Variants in TJP1 observed in about 807,000 individuals in gnomAD.
TJP1 encodes tight junction protein 1, also known as tight junction protein ZO-1.
Under a neutral mutation model 194.2 loss-of-function variants are expected in TJP1, and 43 were observed. That is an observed-to-expected ratio of 0.22 (90% confidence interval 0.17 to 0.29). The LOEUF is 0.29. Among genes scored for constraint, TJP1 ranks in the 10% least tolerant of loss-of-function variants. TJP1 has a pLI of 1.00. For synonymous variants in TJP1, 801 were observed against 779.0 expected, an observed-to-expected ratio of 1.03 and a Z score of -0.47; for missense variants, 1,971 against 2,185.7, an observed-to-expected ratio of 0.90 and a Z score of 1.96.
At chr15:29,749,693 C>T (rs1289602780) in intron 8 of TJP1, among the ~76,000 whole-genome samples, 1 of 152,036 alleles carries the variant, frequency 6.6e-6, no homozygotes, top group Non-Finnish European at 1.5e-5. Context: ...TGGTGACATA[C>T]CACAGCAAAT....
At chr15:29,953,944 A>G (rs181403106) in intron 2 of TJP1, among the ~76,000 whole-genome samples, 1 of 152,306 alleles carries the variant, frequency 6.6e-6, no homozygotes, top group Non-Finnish European at 1.5e-5. Context: ...CAGAACATAC[A>G]GCTCCTCCCT....
intron 2 of TJP1, among the ~76,000 whole-genome samples, chr15:29,909,090 G>A (rs774133140): frequency 2.0e-5 from 3 of 151,224 alleles, no homozygotes; most frequent in African/African-American, 2.4e-5. Flanking sequence ...CCAGGAGGCG[G>A]AGCTTGCAGT....
intron 2 of TJP1, among the ~76,000 whole-genome samples, chr15:29,933,183 G>A (rs2054776244): frequency 2.0e-5 from 3 of 152,152 alleles, no homozygotes; most frequent in Admixed American, 2.0e-4. Flanking sequence ...GGTCCAAAGT[G>A]AGGGTGGCTT....
intron 2 of TJP1, among the ~76,000 whole-genome samples, chr15:29,902,200 A>T (rs2053656138): frequency 6.6e-6 from 1 of 152,168 alleles, no homozygotes; most frequent in African/African-American, 2.4e-5. Flanking sequence ...GAAAATTAAA[A>T]ACTAACAGAA....
intron 2 of TJP1, among the ~76,000 whole-genome samples, chr15:29,883,506 C>T (rs1309994091): frequency 6.6e-6 from 1 of 152,146 alleles, no homozygotes; most frequent in East Asian, 1.9e-4. Flanking sequence ...TAATCTCCTA[C>T]ATTCCTCACA....
intron 2 of TJP1, among the ~76,000 whole-genome samples, chr15:29,861,421 T>G (rs2052076483): frequency 6.6e-6 from 1 of 152,188 alleles, no homozygotes; most frequent in Non-Finnish European, 1.5e-5. Context: ...GAGGTTGCAA[T>G]TTTTTGAATT....
chr15:29,725,651 C>T (rs1052207701), intron 18 of TJP1, among the ~76,000 whole-genome samples: 14 of 152,122 alleles, frequency 9.2e-5, no homozygotes, highest in African/African-American at 2.9e-4. Flanking sequence ...AACAGACCTT[C>T]CCATCAAAGA....
intron 20 of TJP1, 53 bp from the exon 21 acceptor site, chr15:29,719,191 ATTTT>A: frequency 4.1e-6 from 6 of 1,479,784 alleles, no homozygotes; most frequent in South Asian, 1.3e-5. Context: ...ATTCTAGTCT[ATTTT>A]ATTAGACTGT....
chr15:29,834,185 GTA>G (rs2050947169), intron 2 of TJP1, among the ~76,000 whole-genome samples: 1 of 147,598 alleles, frequency 6.8e-6, no homozygotes, highest in East Asian at 2.0e-4. Flanking sequence ...CCGGCCGTAA[GTA>G]TATTTTTTAA....
intron 19 of TJP1, 155 bp from the exon 20 acceptor site, chr15:29,720,171 C>A: frequency 1.8e-6 from 2 of 1,126,524 alleles, no homozygotes; most frequent in Non-Finnish European, 2.4e-6. Flanking sequence ...AAAAAAAATC[C>A]AGTACATTGC....
chr15:29,706,554 A>T (rs1206021762), intron 25 of TJP1, among the ~76,000 whole-genome samples: 1 of 152,214 alleles, frequency 6.6e-6, no homozygotes, highest in Non-Finnish European at 1.5e-5. Context: ...AGAAGTTTGG[A>T]CAAGGGATAC....
chr15:29,835,905 GAC>G (rs1491027522), intron 2 of TJP1, among the ~76,000 whole-genome samples: 15 of 137,458 alleles, frequency 1.1e-4, no homozygotes, highest in Admixed American at 5.7e-4. Context: ...GAGAGAGAGA[GAC>G]AGAGAGAGAC....
At chr15:29,868,795 T>G (rs976683850) in intron 2 of TJP1, among the ~76,000 whole-genome samples, 67 of 152,232 alleles carry the variant, frequency 4.4e-4, no homozygotes, top group Non-Finnish European at 3.2e-4. Flanking sequence ...TTTGCAAAAC[T>G]TTGAAAAGAA....
chr15:29,861,792 C>T (rs757512293), intron 2 of TJP1, among the ~76,000 whole-genome samples: 1 of 152,082 alleles, frequency 6.6e-6, no homozygotes, highest in Non-Finnish European at 1.5e-5. Context: ...ACGAAGAATG[C>T]CTGTTCTCTT....
chr15:29,788,171 T>C (rs1303859928), intron 2 of TJP1, among the ~76,000 whole-genome samples: 1 of 152,230 alleles, frequency 6.6e-6, no homozygotes, highest in Non-Finnish European at 1.5e-5. Flanking sequence ...CTTTTTATTG[T>C]TCAGTTATAA....
intron 2 of TJP1, among the ~76,000 whole-genome samples, chr15:29,884,559 CT>C (rs1253274623): frequency 6.6e-6 from 1 of 152,206 alleles, no homozygotes; most frequent in Non-Finnish European, 1.5e-5. Context: ...CACTGCTCTT[CT>C]GTAATATAAC....
At chr15:29,720,282 T>C in intron 19 of TJP1, 76 bp downstream of exon 19, 3 of 1,289,576 alleles carry the variant, frequency 2.3e-6, no homozygotes. Flanking sequence ...AACATATATA[T>C]TTTTAACTCA....
At chr15:29,772,962 C>T (rs540144838) in intron 3 of TJP1, among the ~76,000 whole-genome samples, 1 of 152,160 alleles carries the variant, frequency 6.6e-6, no homozygotes, top group African/African-American at 2.4e-5. Flanking sequence ...AGATGGGGAT[C>T]TCACTGCATT....
At chr15:29,933,601 G>C (rs946107724) in intron 2 of TJP1, among the ~76,000 whole-genome samples, 20 of 152,220 alleles carry the variant, frequency 1.3e-4, no homozygotes, top group Non-Finnish European at 2.4e-4. Flanking sequence ...AAAGAAAACA[G>C]ATTGAAGGGA....
Sources: allele counts gnomAD v4.1 joint callset (sites outside exome capture counted in the v4.1 genomes callset), GRCh38; gene constraint gnomAD v4.1.1; transcripts MANE v1.5; gene names NCBI Gene and HGNC (gene_info 2026-07-23, HGNC 2026-07-21).